KRT5: variants seen among roughly 807,000 people sequenced by gnomAD.
KRT5 encodes the protein keratin 5, also known as keratin, type II cytoskeletal 5.
A neutral mutation model predicts 44.0 loss-of-function variants in KRT5; 17 were observed. The ratio of observed to expected loss-of-function variants is 0.39; its 90% CI spans 0.26 to 0.58. The LOEUF is 0.58. Among genes scored for constraint, KRT5 ranks in the 20% least tolerant of loss-of-function variants. The pLI, the probability that KRT5 is intolerant of heterozygous loss-of-function variation, is 0.61. For missense variants in KRT5, 737 were observed against 785.5 expected (o/e 0.94, Z 0.74); for synonymous variants, 329 against 312.8 (o/e 1.05, Z -0.55).
At chr12:52,518,678 C>A (rs1938658135) in intron 2 of KRT5, among the ~76,000 whole-genome samples, 1 of 152,220 alleles carries the variant, frequency 6.6e-6, no homozygotes, top group South Asian at 2.1e-4. Context: ...TACATCAGGG[C>A]AGATTTCACC....
rs1179868749 is a variant in KRT5, at chr12:52,514,841, C to G, written c.*101G>C. 2 of 1,070,986 alleles carry G rather than the reference C, an allele frequency of 1.9e-6. No homozygotes were observed. The highest frequency in any genetic ancestry group is 2.8e-6 in the Non-Finnish European group (2 of 704,636). 66.3% of individuals were successfully genotyped at this position (1,070,986 alleles called of 1,614,324 possible). Reference sequence around the variant, plus strand: ...TGCAATTGGCTTGGTCTAGACTACTCTCCAGAAAAGGATAAAACATGGCTT... The same window carrying G: ...TGCAATTGGCTTGGTCTAGACTACTGTCCAGAAAAGGATAAAACATGGCTT... On this transcript the variant is annotated 3_prime_UTR_variant, in exon 9 of 9. Transcript: ENST00000252242.
At chr12:52,518,020 C>T (rs1260221270) in intron 3 of KRT5, 28 bp from the exon 4 acceptor site, 1 of 1,610,246 alleles carries the variant, frequency 6.2e-7, no homozygotes, top group Non-Finnish European at 8.5e-7. Context: ...ATTGGCACTG[C>T]ACACACCGTC....
chr12:52,517,336 G>T, intron 5 of KRT5, 104 bp from the exon 6 acceptor site: 1 of 1,388,782 alleles, frequency 7.2e-7, no homozygotes, highest in Admixed American at 1.7e-5. Context: ...AATAGTGTGG[G>T]GCTGGTTCAG....
In KRT5 at chr12:52,514,933, A is replaced by G; in HGVS notation, c.*9T>C. The G allele has an allele frequency of 6.2e-7, 1 of 1,612,672 alleles. No homozygotes were observed. The highest frequency in any genetic ancestry group is 8.5e-7 in the Non-Finnish European group (1 of 1,179,072). On this transcript the variant is annotated 3_prime_UTR_variant, in exon 9 of 9. Transcript: ENST00000252242. ...CTGCACTTGGAAGGCAGTGACTTGC[A>G]GCAGGTTCTTAGCTCTTGAAGCTCT...
At chr12:52,516,399 C>T (rs1235440221) in intron 7 of KRT5, 1 of 554,206 alleles carries the variant, frequency 1.8e-6, no homozygotes, top group African/African-American at 1.9e-5. Flanking sequence ...AAGAAGATTG[C>T]TGAGTTGCTC....
At chr12:52,516,026 C>G in intron 7 of KRT5, 194 bp from the exon 8 acceptor site, 1 of 618,270 alleles carries the variant, frequency 1.6e-6, no homozygotes, top group Non-Finnish European at 2.9e-6. Flanking sequence ...GACCTAGAAA[C>G]AAGTTGTTAG....
rs775235203 is a variant in KRT5 at position 52,518,060 on chromosome 12, G to A, written c.831+43C>T. 24 of 1,612,382 alleles carry A rather than the reference G, an allele frequency of 1.5e-5. No individual in the cohort carries two copies. The South Asian group carries it at 2.0e-4, about 13-fold the overall frequency. On this transcript the variant is annotated intron_variant, in intron 3 of 8. Coordinates refer to ENST00000252242, the MANE Select transcript of KRT5 (RefSeq NM_000424.4). ...TACTCAAGTGAGCTCCACGCTTAGA[G>A]AGCATAGCTGCAGGCTGCTGGTTCT...
chr12:52,520,003 T>C lies in KRT5; in HGVS notation c.294A>G (p.Gly98=). 1.2e-6 allele frequency: 2 copies of C among 1,611,212 alleles called. No individual in the cohort carries two copies. Among genetic ancestry groups the C allele is most frequent in the Non-Finnish European group, 1.7e-6 (2 of 1,179,388 alleles). The change falls in exon 1 of 9, where the codon GGA becomes GGG. Residue 98 remains glycine (G), a synonymous_variant. Coordinates refer to ENST00000252242, the MANE Select transcript of KRT5 (RefSeq NM_000424.4). ...GAGAGGGYGF[G]GGAGSGFGFG... ...AACCAAATCCACTACCGGCACCACC[T>C]CCAAAGCCATAGCCGCCTCCAGCAC...
At chr12:52,516,972 TG>T (rs1938621664) in intron 6 of KRT5, 115 bp from the exon 7 acceptor site, 4 of 1,503,506 alleles carry the variant, frequency 2.7e-6, no homozygotes, top group African/African-American at 2.7e-5. Context: ...CAGTACATCG[TG>T]GGTGGCAGGA....
chr12:52,520,090 C>A lies in KRT5; in HGVS notation c.207G>T (p.Gly69=). 2 of 1,614,124 alleles carry A rather than the reference C, an allele frequency of 1.2e-6. No homozygotes were observed. Among genetic ancestry groups the A allele is most frequent in the Non-Finnish European group, 1.7e-6 (2 of 1,179,994 alleles). ...TGCTGATGGATATCCTCTTGGAGCC[C>A]CCCAGGTTGTAGAGGCTCCGGCTGC... ...GYGSRSLYNL[G]GSKRISISTS... Residue 69 remains glycine, a synonymous_variant, in exon 1 of 9, where the codon GGG becomes GGT. Coordinates refer to ENST00000252242, the MANE Select transcript of KRT5 (RefSeq NM_000424.4).
intron 7 of KRT5, 143 bp from the exon 8 acceptor site, chr12:52,515,975 A>G (rs1365013010): frequency 1.4e-6 from 1 of 725,808 alleles, no homozygotes; most frequent in Admixed American, 2.0e-5. Flanking sequence ...AGTTAAAGGA[A>G]GGGAGAACTC....
chr12:52,515,813 C>T lies in KRT5; in HGVS notation c.1459G>A (p.Gly487Arg). 1 of 1,613,182 alleles carries T rather than the reference C, an allele frequency of 6.2e-7. No individual in the cohort carries two copies. The highest frequency in any genetic ancestry group is 1.1e-5 in the South Asian group (1 of 91,056). The change falls in exon 8 of 9, where the codon GGA becomes AGA. Residue 487 changes from glycine to arginine, a missense_variant. Gly to Arg is a moderately radical substitution (Grantham distance 125, BLOSUM62 -2). This residue lies in a region of KRT5 where 344 missense variants were observed against 351.6 expected (regional missense o/e 0.98). Transcript: ENST00000252242. The stretch of plus-strand genomic sequence containing the variant: ...AGCTACTTACAGATGTTGACTGGTC[C>T]AACTCCTTCTCCACTGAGTCTGAAA... The part of the protein sequence containing the change: ...EECRLSGEGV[G>R]PVNISVVTSS...
At chr12:52,519,403 A>G in intron 1 of KRT5, 1 of 666,884 alleles carries the variant, frequency 1.5e-6, no homozygotes, top group Non-Finnish European at 2.6e-6. Context: ...GTCCCGGCTC[A>G]GGGGTGGCTG....
chr12:52,518,634 T>C, intron 2 of KRT5: 1 of 565,340 alleles, frequency 1.8e-6, no homozygotes, highest in East Asian at 3.4e-5. Flanking sequence ...CAAAGGCCCA[T>C]GTACCGGGGA....
In KRT5 at chr12:52,516,822, C is replaced by G. The variant is rs760420480; in HGVS notation, c.1254G>C (p.Glu418Asp). The change falls in exon 7 of 9, where the codon GAG becomes GAC. Residue 418 changes from glutamate to aspartate, a missense_variant. By Grantham distance (45) the Glu-to-Asp change is conservative. Transcript: ENST00000252242. ...ANLQNAIADA[E>D]QRGELALKDA... is the part of the protein sequence containing the mutation. ...CCTTGAGGGCCAGCTCCCCACGCTG[C>G]TCGGCATCCGCAATGGCGTTCTGCA... is the stretch of plus-strand genomic sequence containing the variant. 17 of 1,614,202 alleles carry G rather than the reference C, an allele frequency of 1.1e-5. No homozygotes were observed. Among genetic ancestry groups the G allele is most frequent in the Middle Eastern group, 1.6e-4 (1 of 6,062 alleles).
intron 1 of KRT5, chr12:52,519,411 C>T (rs895751770): frequency 1.5e-6 from 1 of 652,748 alleles, no homozygotes; most frequent in Non-Finnish European, 2.6e-6. Context: ...TCAGGGGTGG[C>T]TGCAAAGGCA....
In KRT5 at chr12:52,517,704, G is replaced by T. The variant is rs1938635271; in HGVS notation, c.978C>A (p.Ser326=). The change falls in exon 5 of 9, where the codon TCC becomes TCA. Residue 326 remains serine, a synonymous_variant. Transcript: ENST00000252242. ...GGTCCAGGTTGCGGTTGTTGTCCAT[G>T]GAGAGGACCACTGAGGTGTCAGAGA... is the stretch of plus-strand genomic sequence containing the variant. ...THVSDTSVVL[S]MDNNRNLDLD... The T allele has an allele frequency of 6.2e-7, 1 of 1,614,104 alleles. No homozygotes were observed. Among genetic ancestry groups the T allele is most frequent in the Non-Finnish European group, 8.5e-7 (1 of 1,180,030 alleles).
Position 52,520,122 on chromosome 12 carries a change from C to T in KRT5, c.175G>A (p.Gly59Ser). ...TTGTAGAGGCTCCGGCTGCCATAGC[C>T]ACCCACTCCACAAGCACCCGCAAGG... is the stretch of plus-strand genomic sequence containing the variant. The part of the protein sequence containing the change: ...VSLAGACGVG[G>S]YGSRSLYNLG... The change falls in exon 1 of 9, where the codon GGC becomes AGC. Residue 59 changes from glycine (G) to serine (S), a missense_variant. Gly to Ser is a moderately conservative substitution (Grantham distance 56). This residue lies in a region of KRT5 where 326 missense variants were observed against 333.1 expected (regional missense o/e 0.98). Coordinates refer to ENST00000252242, the MANE Select transcript of KRT5 (RefSeq NM_000424.4). 1 of 1,614,074 alleles carries T rather than the reference C, an allele frequency of 6.2e-7. No homozygotes were observed. The highest frequency in any genetic ancestry group is 8.5e-7 in the Non-Finnish European group (1 of 1,179,970).
rs1237900405 is a variant in KRT5 at position 52,519,029 on chromosome 12, C to T, written c.687G>A (p.Gln229=). ...FEQYINNLRR[Q]LDSIVGERGR... ...CCCGTTCCCCCACGATGCTGTCCAG[C>T]TGCCTCCTGAGGTTGTTGATGTACT... The change falls in exon 2 of 9, where the codon CAG becomes CAA. Residue 229 remains glutamine (Q), a synonymous_variant. Transcript: ENST00000252242. 1 of 1,614,090 alleles carries T rather than the reference C, an allele frequency of 6.2e-7. No individual in the cohort carries two copies. The highest frequency in any genetic ancestry group is 8.5e-7 in the Non-Finnish European group (1 of 1,180,044).
Sources: allele counts gnomAD v4.1 joint callset (sites outside exome capture counted in the v4.1 genomes callset), GRCh38; gene constraint gnomAD v4.1.1; regional missense constraint gnomAD v4.1.1; transcripts MANE v1.5; gene names NCBI Gene and HGNC (gene_info 2026-07-23, HGNC 2026-07-21).